Variants in CRPPA observed in about 807,000 individuals in gnomAD.
CRPPA encodes the protein CDP-L-ribitol pyrophosphorylase A.
In CRPPA, 43 loss-of-function variants were observed where a neutral mutation model predicts 52.0. The observed-to-expected ratio is 0.83, with a 90% CI of 0.65 to 1.07. The LOEUF is 1.07. Among genes scored for constraint, CRPPA ranks in the 50% least tolerant of loss-of-function variants. CRPPA has a pLI of 0.00. For synonymous variants in CRPPA, 250 were observed against 203.5 expected (o/e 1.23, Z -1.94); for missense variants, 629 against 551.7 (o/e 1.14, Z -1.40).
intron 3 of CRPPA, among the ~76,000 whole-genome samples, chr7:16,313,286 AT>A (rs1785074055): frequency 6.6e-6 from 1 of 151,816 alleles, no homozygotes; most frequent in South Asian, 2.1e-4. Context: ...TTCCTGTATG[AT>A]TTTGGGCTAT....
chr7:16,189,128 A>G (rs1187756596), intron 9 of CRPPA, among the ~76,000 whole-genome samples: 2 of 152,148 alleles, frequency 1.3e-5, no homozygotes, highest in Non-Finnish European at 2.9e-5. Context: ...AAAGTTTCCA[A>G]TTTCCTCTCT....
chr7:16,177,199 G>A (rs530720933), intron 9 of CRPPA, among the ~76,000 whole-genome samples: 1 of 152,126 alleles, frequency 6.6e-6, no homozygotes, highest in African/African-American at 2.4e-5. Context: ...TTTTTGTAGT[G>A]GAGGAACTGT....
chr7:16,188,526 A>T (rs1583416976), intron 9 of CRPPA, among the ~76,000 whole-genome samples: 1 of 152,128 alleles, frequency 6.6e-6, no homozygotes, highest in African/African-American at 2.4e-5. Context: ...CTGGCTTGGG[A>T]TTCTATTCAA....
chr7:16,190,684 C>T lies in CRPPA; in HGVS notation c.1251+25382G>A, dbSNP rs139378027. 2.7e-4 allele frequency among the ~76,000 whole-genome samples: 41 copies of T among 152,044 alleles called. No individual in the cohort carries two copies. In the East Asian group the frequency reaches 3.7e-3, roughly 14 times the overall value. ...TTGGTTACATGAGTAAGTTCTTTAG[C>T]GGTGATTTCTGAGATTTTAGTGCAC... On this transcript the variant is annotated intron_variant, in intron 9 of 9. Coordinates refer to ENST00000407010, the MANE Select transcript of CRPPA (RefSeq NM_001101426.4).
intron 3 of CRPPA, among the ~76,000 whole-genome samples, chr7:16,335,935 C>G (rs1332808746): frequency 6.6e-6 from 1 of 152,132 alleles, no homozygotes; most frequent in Non-Finnish European, 1.5e-5. Flanking sequence ...ACAGAAACCC[C>G]TCAGGCCAGG....
chr7:16,202,724 C>T (rs145569430), intron 9 of CRPPA, among the ~76,000 whole-genome samples: 3 of 152,182 alleles, frequency 2.0e-5, no homozygotes, highest in East Asian at 1.9e-4. Flanking sequence ...TGGAAAGACA[C>T]GAATGTGATA....
At chr7:16,287,302 A>G (rs1784471520) in intron 5 of CRPPA, among the ~76,000 whole-genome samples, 1 of 152,146 alleles carries the variant, frequency 6.6e-6, no homozygotes, top group Non-Finnish European at 1.5e-5. Flanking sequence ...CTTTGATTAT[A>G]GTTTCTATAT....
At chr7:16,397,694 G>A (rs1052328956) in intron 2 of CRPPA, among the ~76,000 whole-genome samples, 7 of 152,214 alleles carry the variant, frequency 4.6e-5, no homozygotes, top group Non-Finnish European at 1.0e-4. Flanking sequence ...TGACTGACAC[G>A]TGATACATGA....
intron 3 of CRPPA, among the ~76,000 whole-genome samples, chr7:16,370,206 A>G (rs757872574): frequency 7.2e-5 from 11 of 152,204 alleles, no homozygotes; most frequent in Non-Finnish European, 1.5e-4. Context: ...TCAAGTGGGG[A>G]TAAACTCCCT....
At chr7:16,209,770 T>C (rs1052524646) in intron 9 of CRPPA, among the ~76,000 whole-genome samples, 1 of 152,212 alleles carries the variant, frequency 6.6e-6, no homozygotes, top group African/African-American at 2.4e-5. Flanking sequence ...AAAATATTCA[T>C]TTCATTAGAT....
chr7:16,093,048 C>T (rs1376924226), intron 9 of CRPPA, among the ~76,000 whole-genome samples: 1 of 152,138 alleles, frequency 6.6e-6, no homozygotes, highest in African/African-American at 2.4e-5. Context: ...TCCTCCAGTC[C>T]AGTTTGGGTG....
intron 3 of CRPPA, among the ~76,000 whole-genome samples, chr7:16,318,354 T>C (rs956725533): frequency 2.0e-5 from 3 of 152,280 alleles, no homozygotes; most frequent in African/African-American, 4.8e-5. Flanking sequence ...CACATGCACA[T>C]GGTTTAAAGA....
chr7:16,098,736 T>A (rs1391552826), intron 9 of CRPPA, among the ~76,000 whole-genome samples: 7 of 152,156 alleles, frequency 4.6e-5, no homozygotes, highest in Non-Finnish European at 4.4e-5. Context: ...TTGTAAACAT[T>A]TTGCTGATAT....
At chr7:16,108,420 T>C (rs1372540489) in intron 9 of CRPPA, among the ~76,000 whole-genome samples, 1 of 151,896 alleles carries the variant, frequency 6.6e-6, no homozygotes. Context: ...CAATTATAAA[T>C]ACATATGCAC....
intron 4 of CRPPA, among the ~76,000 whole-genome samples, chr7:16,303,491 A>AACAAAAAAAC (rs1554317852): frequency 8.0e-6 from 1 of 124,936 alleles, no homozygotes; most frequent in Non-Finnish European, 1.8e-5. Flanking sequence ...AAAAAAAAAA[A>AACAAAAAAAC]AAAAAAAAAA....
At chr7:16,147,672 CAT>C (rs1051338597) in intron 9 of CRPPA, among the ~76,000 whole-genome samples, 2 of 152,132 alleles carry the variant, frequency 1.3e-5, no homozygotes, top group African/African-American at 4.8e-5. Context: ...GGAATTAAAA[CAT>C]GTCTGACATT....
At chr7:16,147,445 C>T (rs1310780693) in intron 9 of CRPPA, among the ~76,000 whole-genome samples, 3 of 152,152 alleles carry the variant, frequency 2.0e-5, no homozygotes, top group Non-Finnish European at 2.9e-5. Context: ...TTCAGTTTAA[C>T]TTATCAGTCA....
chr7:16,287,227 A>G (rs1211426733), intron 5 of CRPPA, among the ~76,000 whole-genome samples: 1 of 152,194 alleles, frequency 6.6e-6, no homozygotes, highest in Non-Finnish European at 1.5e-5. Context: ...TCTAGCTGAA[A>G]TCTATGTGAA....
At chr7:16,342,755 T>C (rs374755293) in intron 3 of CRPPA, among the ~76,000 whole-genome samples, 1 of 93,546 alleles carries the variant, frequency 1.1e-5, no homozygotes, top group South Asian at 2.8e-4. Context: ...GGATGAACCC[T>C]GTCTCCACAA....
Sources: allele counts gnomAD v4.1 joint callset (sites outside exome capture counted in the v4.1 genomes callset), GRCh38; gene constraint gnomAD v4.1.1; transcripts MANE v1.5; gene names NCBI Gene and HGNC (gene_info 2026-07-23, HGNC 2026-07-21).